The following NPAS3 variants were observed in gnomAD, a reference collection of about 807,000 sequenced individuals.
The protein encoded by NPAS3 is neuronal PAS domain protein 3.
Under a neutral mutation model 73.1 loss-of-function variants are expected in NPAS3, and 14 were observed. The observed-to-expected ratio is 0.19, with a 90% CI of 0.13 to 0.30. The LOEUF is 0.30. NPAS3 is among the 10% of genes least tolerant of loss of function. NPAS3 has a pLI of 1.00. For synonymous variants in NPAS3, 620 were observed against 541.5 expected, an observed-to-expected ratio of 1.14 and a Z score of -2.01; for missense variants, 1,096 against 1,250.0, an observed-to-expected ratio of 0.88 and a Z score of 1.86.
At chr14:33,556,264 G>A (rs751514798) in intron 4 of NPAS3, among the ~76,000 whole-genome samples, 23 of 152,142 alleles carry the variant, frequency 1.5e-4, no homozygotes, top group African/African-American at 9.7e-5. Flanking sequence ...AAGGATATGC[G>A]TAGACAGCAA....
chr14:33,067,642 T>C (rs920803762), intron 2 of NPAS3, among the ~76,000 whole-genome samples: 4 of 152,202 alleles, frequency 2.6e-5, no homozygotes, highest in Admixed American at 2.0e-4. Context: ...CTGTTTTACA[T>C]GGAGAAAAAC....
chr14:33,524,557 T>C (rs1281695574), intron 4 of NPAS3, among the ~76,000 whole-genome samples: 3 of 152,198 alleles, frequency 2.0e-5, no homozygotes, highest in African/African-American at 4.8e-5. Flanking sequence ...AAGCTTATGG[T>C]TGTATCTTTG....
At chr14:33,717,168 T>C (rs958343899) in intron 6 of NPAS3, among the ~76,000 whole-genome samples, 1 of 91,766 alleles carries the variant, frequency 1.1e-5, no homozygotes, top group African/African-American at 3.3e-5. Context: ...CATAAACTTA[T>C]GAATTATGTA....
intron 4 of NPAS3, among the ~76,000 whole-genome samples, chr14:33,470,638 A>G (rs1054011129): frequency 1.3e-5 from 2 of 152,180 alleles, no homozygotes; most frequent in African/African-American, 4.8e-5. Flanking sequence ...AAGGTGGTTC[A>G]TTTAGGCTGA....
chr14:33,690,871 T>A (rs1304594092), intron 6 of NPAS3, among the ~76,000 whole-genome samples: 5 of 142,202 alleles, frequency 3.5e-5, no homozygotes, highest in South Asian at 2.3e-4. Flanking sequence ...TAAAATTTGT[T>A]AAAAAAAAAA....
At chr14:33,257,864 A>G (rs1019498077) in intron 3 of NPAS3, among the ~76,000 whole-genome samples, 1 of 152,122 alleles carries the variant, frequency 6.6e-6, no homozygotes, top group African/African-American at 2.4e-5. Flanking sequence ...TCAAGGGTAT[A>G]TTTTATGCCA....
intron 1 of NPAS3, among the ~76,000 whole-genome samples, chr14:33,018,078 C>A (rs1017676290): frequency 1.3e-5 from 2 of 152,116 alleles, no homozygotes; most frequent in Non-Finnish European, 2.9e-5. Flanking sequence ...AATAATTTGG[C>A]CACATCTAGA....
chr14:33,561,217 A>G lies in NPAS3; in HGVS notation c.558+1007A>G, dbSNP rs146104964. On this transcript the variant is annotated intron_variant, in intron 5 of 11. Transcript: ENST00000356141. ...CTACCCCAGACTCGTTGCTTCTGAA[A>G]GTTGGCACAGCTCTAAGGAGACATC... Among the ~76,000 whole-genome samples, 549 of 152,314 alleles carry G rather than the reference A, an allele frequency of 3.6e-3. 4 individuals are homozygous for G. The highest frequency in any genetic ancestry group is 0.017 in the Middle Eastern group (5 of 292).
chr14:33,298,605 C>T (rs1469377183), intron 3 of NPAS3, among the ~76,000 whole-genome samples: 5 of 152,132 alleles, frequency 3.3e-5, no homozygotes, highest in South Asian at 4.1e-4. Context: ...TTCTTCCTAT[C>T]AAGGTCTATC....
intron 1 of NPAS3, among the ~76,000 whole-genome samples, chr14:32,969,922 G>C (rs773443879): frequency 7.2e-5 from 11 of 152,108 alleles, no homozygotes; most frequent in Non-Finnish European, 1.3e-4. Context: ...AACTTAATAA[G>C]TGAAAAGAAA....
At chr14:33,613,279 A>G (rs1160464761) in intron 5 of NPAS3, among the ~76,000 whole-genome samples, 1 of 152,106 alleles carries the variant, frequency 6.6e-6, no homozygotes, top group Non-Finnish European at 1.5e-5. Context: ...ACTGGAACTG[A>G]CTCCAGAGGA....
At chr14:33,037,973 G>C (rs1335903295) in intron 1 of NPAS3, among the ~76,000 whole-genome samples, 1 of 152,160 alleles carries the variant, frequency 6.6e-6, no homozygotes, top group African/African-American at 2.4e-5. Flanking sequence ...GAAGCACCAT[G>C]TCACTTGATT....
At chr14:33,646,610 C>T (rs1213735258) in intron 5 of NPAS3, among the ~76,000 whole-genome samples, 1 of 152,168 alleles carries the variant, frequency 6.6e-6, no homozygotes, top group Non-Finnish European at 1.5e-5. Flanking sequence ...ACATAGGTAT[C>T]TTACCACAGC....
chr14:33,107,238 T>A (rs2042749654), intron 2 of NPAS3, among the ~76,000 whole-genome samples: 1 of 152,114 alleles, frequency 6.6e-6, no homozygotes, highest in Non-Finnish European at 1.5e-5. Context: ...AAAAAATATA[T>A]TTTCTTTTTT....
intron 1 of NPAS3, among the ~76,000 whole-genome samples, chr14:32,964,360 A>G (rs1291493644): frequency 6.6e-6 from 1 of 152,112 alleles, no homozygotes; most frequent in Non-Finnish European, 1.5e-5. Context: ...TATAACTAGC[A>G]AATTTGATAG....
chr14:33,313,861 TG>T (rs2043103032), intron 3 of NPAS3, among the ~76,000 whole-genome samples: 1 of 152,076 alleles, frequency 6.6e-6, no homozygotes, highest in African/African-American at 2.4e-5. Flanking sequence ...GCATCCCTTT[TG>T]GTCACACTGC....
chr14:33,413,644 G>T (rs565609848), intron 4 of NPAS3, among the ~76,000 whole-genome samples: 3 of 152,266 alleles, frequency 2.0e-5, no homozygotes, highest in African/African-American at 7.2e-5. Context: ...TGAAGTTCTT[G>T]TCTAAGGACT....
At chr14:33,113,477 T>A (rs1212518709) in intron 2 of NPAS3, among the ~76,000 whole-genome samples, 5 of 152,206 alleles carry the variant, frequency 3.3e-5, no homozygotes, top group Non-Finnish European at 7.3e-5. Context: ...TTGTCTGTTA[T>A]TAGTGTATAA....
At chr14:33,600,137 G>A (rs555461791) in intron 5 of NPAS3, among the ~76,000 whole-genome samples, 5 of 152,116 alleles carry the variant, frequency 3.3e-5, no homozygotes, top group Admixed American at 1.3e-4. Context: ...TTAAAAGCTC[G>A]ATTCTGAATA....
Sources: gnomAD v4.1 joint callset for allele counts (sites outside exome capture counted in the v4.1 genomes callset) on GRCh38, gnomAD v4.1.1 for gene constraint, MANE v1.5 for transcripts, NCBI Gene and HGNC (gene_info 2026-07-23, HGNC 2026-07-21) for gene names.